The following MSH5 variants were observed in gnomAD, a reference collection of about 807,000 sequenced individuals.
MSH5 encodes the protein mutS protein homolog 5.
Under a neutral mutation model 107.7 loss-of-function variants are expected in MSH5, and 78 were observed. That is an observed-to-expected ratio of 0.72 (90% CI 0.60 to 0.87). The LOEUF is 0.87. Ranked by LOEUF, MSH5 falls within the 40% of genes least tolerant of loss-of-function variation. The pLI, the probability that MSH5 is intolerant of heterozygous loss-of-function variation, is 0.00. For synonymous variants in MSH5, 326 were observed against 399.5 expected, an observed-to-expected ratio of 0.82 and a Z score of 2.19; for missense variants, 889 against 1,046.6, an observed-to-expected ratio of 0.85 and a Z score of 2.08.
intron 24 of MSH5, 97 bp from the exon 25 acceptor site, chr6:31,762,323 C>G (rs1811094694): frequency 1.5e-6 from 2 of 1,356,700 alleles, no homozygotes; most frequent in Non-Finnish European, 2.1e-6. Context: ...CCTAAATCTT[C>G]AAGATCCCAG....
chr6:31,759,678 G>C lies in MSH5; in HGVS notation c.1496-108G>C, dbSNP rs1810788403. The C allele has an allele frequency of 7.2e-7, 1 of 1,386,678 alleles. No homozygotes were observed. Among genetic ancestry groups the C allele is most frequent in the Non-Finnish European group, 1.0e-6 (1 of 1,000,612 alleles). 85.9% of individuals were successfully genotyped at this position (1,386,678 alleles called of 1,614,324 possible). On this transcript the variant is annotated intron_variant, in intron 17 of 24. Transcript: ENST00000375750. The surrounding 1 kb of genome is among the most constrained non-coding windows in gnomAD (Gnocchi z 4.7). ...TATCTTTTCCTCTGAATGTCTTGAG[G>C]TCTCAGATTGTATCTGCAACCTGTT...
intron 3 of MSH5, 72 bp from the exon 4 acceptor site, chr6:31,742,805 G>A: frequency 2.1e-6 from 3 of 1,430,582 alleles, no homozygotes; most frequent in Non-Finnish European, 3.0e-6. Flanking sequence ...GTAGGAAGAG[G>A]AGGGCTATGG....
At chr6:31,742,460 G>A (rs574365767) in intron 3 of MSH5, among the ~76,000 whole-genome samples, 1 of 152,178 alleles carries the variant, frequency 6.6e-6, no homozygotes, top group African/African-American at 2.4e-5. Context: ...GTTTCACCAC[G>A]TTGGCTAGGC....
intron 3 of MSH5, 148 bp from the exon 4 acceptor site, chr6:31,742,725 TCTAC>T: frequency 1.5e-6 from 1 of 684,882 alleles, no homozygotes; most frequent in Admixed American, 2.7e-5. Context: ...AATCTCAACT[TCTAC>T]CTGTGTTCCC....
Position 31,759,870 on chromosome 6 carries a change from C to T in MSH5, c.1580C>T (p.Ser527Phe). ...AVLTRVLDLA[S>F]RLDVLLALAS... ...TTAACCCGAGTATTGGACCTTGCCT[C>T]CCGCCTGGACGTCCTGCTGGCTCTT... The change falls in exon 18 of 25, where the codon TCC becomes TTC. Residue 527 changes from serine to phenylalanine, a missense_variant. Ser to Phe is a radical substitution (Grantham distance 155). Transcript: ENST00000375750. This position sits in a 1 kb window ranked among gnomAD's most constrained non-coding sequence, Gnocchi z 4.7. 1 of 1,614,198 alleles carries T rather than the reference C, an allele frequency of 6.2e-7. No individual in the cohort carries two copies. The highest frequency in any genetic ancestry group is 8.5e-7 in the Non-Finnish European group (1 of 1,180,038).
At position 31,761,205 on chromosome 6, in the gene MSH5, C is replaced by A. The variant is rs753796312; in HGVS notation, c.1980C>A (p.Asn660Lys). 6.2e-7 allele frequency: 1 copy of A among 1,613,916 alleles called. No individual in the cohort carries two copies. The highest frequency in any genetic ancestry group is 1.1e-5 in the South Asian group (1 of 91,034). The part of the protein sequence containing the change: ...IDLNQVAKAV[N>K]NATAQSLVLI... ...CCCAGCAGGTGGCGAAAGCAGTGAA[C>A]AATGCCACTGCACAGTCGCTGGTCC... Residue 660 changes from asparagine (N) to lysine (K), a missense_variant, in exon 21 of 25, where the codon AAC becomes AAA. By Grantham distance (94) the Asn-to-Lys change is moderately conservative. Coordinates refer to ENST00000375750, the MANE Select transcript of MSH5 (RefSeq NM_172166.4). The surrounding 1 kb of genome is among the most constrained non-coding windows in gnomAD (Gnocchi z 5.3).
chr6:31,747,098 C>T (rs1219591619), intron 9 of MSH5, among the ~76,000 whole-genome samples: 2 of 152,198 alleles, frequency 1.3e-5, no homozygotes, highest in African/African-American at 4.8e-5. Flanking sequence ...GGATTACAGG[C>T]GTGAGCCACC....
intron 8 of MSH5, 90 bp from the exon 9 acceptor site, chr6:31,745,147 T>C (rs1809311127): frequency 1.7e-6 from 1 of 585,814 alleles, no homozygotes; most frequent in Non-Finnish European, 3.2e-6. Flanking sequence ...CAGGAGGATA[T>C]CCCCTGTCCC....
At chr6:31,744,126 T>C in intron 6 of MSH5, 64 bp from the exon 7 acceptor site, 1 of 1,593,656 alleles carries the variant, frequency 6.3e-7, no homozygotes, top group Non-Finnish European at 8.5e-7. Flanking sequence ...TAACTTTCCC[T>C]GGTGCTCTGC....
At chr6:31,743,274 C>A in intron 5 of MSH5, 104 bp downstream of exon 5, 1 of 1,272,086 alleles carries the variant, frequency 7.9e-7, no homozygotes, top group Non-Finnish European at 1.1e-6. Context: ...CTTATGTCAT[C>A]CTAAACCTTT....
intron 10 of MSH5, among the ~76,000 whole-genome samples, chr6:31,752,086 A>G (rs917771734): frequency 2.0e-5 from 3 of 152,098 alleles, no homozygotes; most frequent in Non-Finnish European, 4.4e-5. Flanking sequence ...GCGACAGAGC[A>G]AGACTCCATC....
rs766284708 is a variant in MSH5, at chr6:31,741,171, G to A, written c.156G>A (p.Leu52=). Residue 52 remains leucine (L), a synonymous_variant, in exon 3 of 25, where the codon CTG becomes CTA. Transcript: ENST00000375750. The part of the protein sequence containing the change: ...EEEEELAEIH[L]CVLWNSGYLG... ...TCTTCCTTGCTGGACAGATCCATCT[G>A]TGTGTGCTGTGGAATTCAGGATACT... The A allele has an allele frequency of 6.2e-7, 1 of 1,612,910 alleles. No individual in the cohort carries two copies. The highest frequency in any genetic ancestry group is 8.5e-7 in the Non-Finnish European group (1 of 1,180,010).
At chr6:31,749,333 G>A (rs1391179731) in intron 10 of MSH5, among the ~76,000 whole-genome samples, 1 of 152,130 alleles carries the variant, frequency 6.6e-6, no homozygotes, top group Non-Finnish European at 1.5e-5. Context: ...TTTGAGGTCA[G>A]GAGTTCAAGA....
chr6:31,759,808 C>T lies in MSH5; in HGVS notation c.1518C>T (p.Tyr506=), dbSNP rs1280790299. Residue 506 remains tyrosine, a synonymous_variant, in exon 18 of 25, where the codon TAC becomes TAT. Coordinates refer to ENST00000375750, the MANE Select transcript of MSH5 (RefSeq NM_172166.4). This position sits in a 1 kb window ranked among gnomAD's most constrained non-coding sequence, Gnocchi z 4.7. ...CAGACCAGGAGACGCTGCTGATGTACCAGCTACAGTGCCAGGTGCTGGCAC... is the reference window on the plus strand; with the variant it reads ...CAGACCAGGAGACGCTGCTGATGTATCAGCTACAGTGCCAGGTGCTGGCAC... The part of the protein sequence containing the change: ...EIRDQETLLM[Y]QLQCQVLARA... 3 of 1,613,536 alleles carry T rather than the reference C, an allele frequency of 1.9e-6. No homozygotes were observed. Among genetic ancestry groups the T allele is most frequent in the South Asian group, 1.1e-5 (1 of 91,082 alleles).
At chr6:31,753,688 A>G in intron 12 of MSH5, 59 bp downstream of exon 12, 1 of 1,512,656 alleles carries the variant, frequency 6.6e-7, no homozygotes, top group East Asian at 2.3e-5. Context: ...CCTGTATTCC[A>G]GACTGTCTGT....
At chr6:31,744,466 T>G (rs1367003076) in intron 7 of MSH5, 80 bp from the exon 8 acceptor site, 1 of 1,571,124 alleles carries the variant, frequency 6.4e-7, no homozygotes, top group Non-Finnish European at 8.8e-7. Flanking sequence ...ACTGGGACAA[T>G]ATTCAGAGAG....
intron 10 of MSH5, 59 bp downstream of exon 10, chr6:31,747,491 A>T: frequency 6.5e-7 from 1 of 1,542,688 alleles, no homozygotes; most frequent in Non-Finnish European, 8.9e-7. Context: ...CACACTACAT[A>T]CTAAAGCCTA....
chr6:31,744,837 G>A (rs865802418), intron 8 of MSH5, among the ~76,000 whole-genome samples: 2 of 151,908 alleles, frequency 1.3e-5, no homozygotes, highest in Middle Eastern at 6.8e-3. Flanking sequence ...ATCTCGGCTG[G>A]GCGCGGTGGC....
chr6:31,741,375 ACACACACAT>A (rs1268218061), intron 3 of MSH5, 89 bp downstream of exon 3: 1 of 917,194 alleles, frequency 1.1e-6, no homozygotes, highest in Non-Finnish European at 1.6e-6. Context: ...ACACACACAC[ACACACACAT>A]ATTTTTTTTT....
Sources: allele counts gnomAD v4.1 joint callset (sites outside exome capture counted in the v4.1 genomes callset), GRCh38; gene constraint gnomAD v4.1.1; non-coding constraint Gnocchi (gnomAD v3.1); transcripts MANE v1.5; gene names NCBI Gene and HGNC (gene_info 2026-07-23, HGNC 2026-07-21).